MICU2: variants seen among roughly 807,000 people sequenced by gnomAD.
The protein encoded by MICU2 is mitochondrial calcium uptake 2.
Under a neutral mutation model 60.4 loss-of-function variants are expected in MICU2, and 64 were observed. That is an observed-to-expected ratio of 1.06 (90% CI 0.87 to 1.31). The LOEUF (loss-of-function observed/expected upper bound fraction) is 1.31, where lower values mean the gene tolerates loss of function less well. MICU2 is among the 50% of genes most tolerant of loss of function. The pLI is 0.00. For synonymous variants in MICU2, 201 were observed against 175.0 expected (o/e 1.15, Z -1.17); for missense variants, 569 against 531.0 (o/e 1.07, Z -0.70).
chr13:21,548,975 G>GA (rs985018222), intron 2 of MICU2, among the ~76,000 whole-genome samples: 7 of 136,062 alleles, frequency 5.1e-5, no homozygotes, highest in Admixed American at 4.3e-4. Context: ...CACCCAGGCT[G>GA]GAGTGCAGTG....
intron 2 of MICU2, among the ~76,000 whole-genome samples, chr13:21,546,731 T>C (rs899142808): frequency 6.6e-6 from 1 of 151,974 alleles, no homozygotes; most frequent in South Asian, 2.1e-4. Flanking sequence ...TTTGATAGAG[T>C]GTGTAGGGGA....
At chr13:21,556,624 C>A (rs113528162) in intron 2 of MICU2, among the ~76,000 whole-genome samples, 8 of 152,048 alleles carry the variant, frequency 5.3e-5, no homozygotes, top group African/African-American at 1.7e-4. Context: ...GAGAAGGGGG[C>A]GGAGGAATCA....
chr13:21,536,761 T>G (rs148178337), intron 4 of MICU2, among the ~76,000 whole-genome samples: 182 of 152,364 alleles, frequency 1.2e-3, no homozygotes, highest in Middle Eastern at 3.4e-3. Context: ...CTCCAATTCC[T>G]TCTTTAGACA....
chr13:21,603,713 AG>A, intron 1 of MICU2: 6 of 570,578 alleles, frequency 1.1e-5, no homozygotes, highest in Non-Finnish European at 1.9e-5. Flanking sequence ...GGTTCTCCCA[AG>A]GGAGGCAGAA....
At chr13:21,580,195 C>T (rs1202745756) in intron 1 of MICU2, among the ~76,000 whole-genome samples, 1 of 152,140 alleles carries the variant, frequency 6.6e-6, no homozygotes, top group Non-Finnish European at 1.5e-5. Flanking sequence ...GAATCATATA[C>T]TAAGTAAAAT....
At chr13:21,517,797 A>ACG (rs764778244) in intron 6 of MICU2, among the ~76,000 whole-genome samples, 4,428 of 89,856 alleles carry the variant, frequency 0.049, 85 homozygotes, top group Non-Finnish European at 0.075. Context: ...ACACACACAC[A>ACG]CACGCGCGCG....
rs560934524 is a variant in MICU2, at chr13:21,544,532, A to AAAAAAAAAAAC, written c.359-4845_359-4844insGTTTTTTTTTT. On this transcript the variant is annotated intron_variant, in intron 2 of 11. Transcript: ENST00000382374. ...TAAACACATGAAAAAAAAAAAAAAA[A>AAAAAAAAAAAC]AACTCAATACCACTGATCATCAGGG... Among the ~76,000 whole-genome samples the AAAAAAAAAAAC allele has an allele frequency of 6.9e-4, 91 of 132,574 alleles. 2 individuals carry two copies. Among genetic ancestry groups the AAAAAAAAAAAC allele is most frequent in the African/African-American group, 2.4e-3 (88 of 36,970 alleles). The allele number at this position is 132,574 out of a possible 152,430, so 87.0% of individuals were successfully genotyped here.
intron 11 of MICU2, among the ~76,000 whole-genome samples, chr13:21,494,373 G>C (rs913287130): frequency 3.3e-5 from 5 of 152,090 alleles, no homozygotes; most frequent in African/African-American, 7.2e-5. Flanking sequence ...TTTTCTGAGA[G>C]TGCTTCTAGC....
intron 2 of MICU2, among the ~76,000 whole-genome samples, chr13:21,554,794 G>C (rs1361182571): frequency 6.6e-6 from 1 of 152,008 alleles, no homozygotes; most frequent in Non-Finnish European, 1.5e-5. Flanking sequence ...TAATAAAGAA[G>C]AGAGAAGAAT....
chr13:21,544,860 C>A (rs1164277137), intron 2 of MICU2, among the ~76,000 whole-genome samples: 1 of 152,048 alleles, frequency 6.6e-6, no homozygotes, highest in African/African-American at 2.4e-5. Flanking sequence ...CTATGTTGTC[C>A]AGGGTGGTTT....
chr13:21,547,132 T>G (rs982123421), intron 2 of MICU2, among the ~76,000 whole-genome samples: 5 of 152,172 alleles, frequency 3.3e-5, no homozygotes, highest in African/African-American at 1.2e-4. Flanking sequence ...CTTTATGTAC[T>G]TACTGCCTTT....
At chr13:21,601,894 A>C (rs1888825033) in intron 1 of MICU2, among the ~76,000 whole-genome samples, 1 of 151,982 alleles carries the variant, frequency 6.6e-6, no homozygotes, top group African/African-American at 2.4e-5. Context: ...TCACGAGGTC[A>C]GGAGATCGAG....
rs976754488 is a variant in MICU2, at chr13:21,513,508, C to T, written c.663+845G>A. On this transcript the variant is annotated intron_variant, in intron 7 of 11. Coordinates refer to ENST00000382374, the MANE Select transcript of MICU2 (RefSeq NM_152726.3). ...ATCCCAGCAATTTGGGAGGCCGAAGCGGGCGGATCACCTGAGGTCAGGAGT... is the reference window on the plus strand; with the variant it reads ...ATCCCAGCAATTTGGGAGGCCGAAGTGGGCGGATCACCTGAGGTCAGGAGT... Among the ~76,000 whole-genome samples, 7 of 151,844 alleles carry T rather than the reference C, an allele frequency of 4.6e-5. No homozygotes were observed. In the South Asian group the frequency reaches 1.0e-3, roughly 23 times the overall value.
chr13:21,560,046 T>A (rs143252066), intron 2 of MICU2, among the ~76,000 whole-genome samples: 3 of 152,140 alleles, frequency 2.0e-5, no homozygotes, highest in African/African-American at 4.8e-5. Flanking sequence ...GTCCCTTTTT[T>A]AAAAAAATTG....
At chr13:21,523,585 A>T (rs1886779085) in intron 4 of MICU2, among the ~76,000 whole-genome samples, 1 of 152,246 alleles carries the variant, frequency 6.6e-6, no homozygotes, top group South Asian at 2.1e-4. Context: ...CAGTTTGGGT[A>T]GGATGACCCT....
In MICU2 at chr13:21,546,762, G is replaced by C. The variant is rs143423000; in HGVS notation, c.359-7074C>G. Among the ~76,000 whole-genome samples the C allele has an allele frequency of 5.3e-5, 8 of 152,190 alleles. No individual in the cohort carries two copies. In the East Asian group the frequency reaches 1.5e-3, roughly 29 times the overall value. The stretch of plus-strand genomic sequence containing the variant: ...GGGGAAGGTGTTAAGGATAGCTAGA[G>C]GCTTGCAGAAACTCAGCATGATACA... On this transcript the variant is annotated intron_variant, in intron 2 of 11. Transcript: ENST00000382374.
At chr13:21,496,312 C>T (rs1885996069) in intron 9 of MICU2, 152 bp from the exon 10 acceptor site, 2 of 614,650 alleles carry the variant, frequency 3.3e-6, no homozygotes, top group Admixed American at 3.1e-5. Flanking sequence ...TCTCTGTGTG[C>T]ACACAGAAAT....
chr13:21,525,121 C>CTT (rs1003188673), intron 4 of MICU2, among the ~76,000 whole-genome samples: 8 of 145,080 alleles, frequency 5.5e-5, no homozygotes, highest in African/African-American at 1.8e-4. Context: ...GCTTTCATTT[C>CTT]TTTTGGGTAT....
At chr13:21,532,471 C>G (rs1175358001) in intron 4 of MICU2, among the ~76,000 whole-genome samples, 1 of 152,212 alleles carries the variant, frequency 6.6e-6, no homozygotes, top group Non-Finnish European at 1.5e-5. Flanking sequence ...TTCATTATCT[C>G]TCACGAGATA....
Sources: gnomAD v4.1 joint callset for allele counts (sites outside exome capture counted in the v4.1 genomes callset) on GRCh38, gnomAD v4.1.1 for gene constraint, MANE v1.5 for transcripts, NCBI Gene and HGNC (gene_info 2026-07-23, HGNC 2026-07-21) for gene names.